The following TSHZ2 variants were observed in gnomAD, a reference collection of about 807,000 sequenced individuals.
The protein encoded by TSHZ2 is teashirt zinc finger homeobox 2.
In TSHZ2, 21 loss-of-function variants were observed where a neutral mutation model predicts 74.4. The observed-to-expected ratio is 0.28, with a 90% confidence interval of 0.20 to 0.41. TSHZ2 has a LOEUF of 0.41. TSHZ2 is among the 10% of genes least tolerant of loss of function. The probability of loss-of-function intolerance (pLI) is 1.00; values close to 1 mark genes in which losing one functional copy is unlikely to be tolerated. For synonymous variants in TSHZ2, 540 were observed against 515.3 expected (o/e 1.05, Z -0.65); for missense variants, 1,244 against 1,293.5 (o/e 0.96, Z 0.59).
At chr20:53,151,045 C>A (rs1240815866) in intron 1 of TSHZ2, among the ~76,000 whole-genome samples, 1 of 152,208 alleles carries the variant, frequency 6.6e-6, no homozygotes, top group Non-Finnish European at 1.5e-5. Context: ...CCATTCTCAA[C>A]ACATTGTTAG....
chr20:53,087,957 A>G, intron 1 of TSHZ2, among the ~76,000 whole-genome samples: 1 of 152,192 alleles, frequency 6.6e-6, no homozygotes, highest in East Asian at 1.9e-4. Context: ...ACCTTTTCCC[A>G]AGCAGTTCTC....
At chr20:53,361,825 T>A (rs943143399) in intron 2 of TSHZ2, among the ~76,000 whole-genome samples, 10 of 152,218 alleles carry the variant, frequency 6.6e-5, no homozygotes, top group Admixed American at 1.3e-4. Context: ...GGTGAAACAT[T>A]GGTTTCTAAC....
intron 1 of TSHZ2, among the ~76,000 whole-genome samples, chr20:52,994,422 A>C (rs905583973): frequency 1.3e-5 from 2 of 150,662 alleles, no homozygotes; most frequent in Non-Finnish European, 3.0e-5. Flanking sequence ...GAGTAGATGG[A>C]TGGATGGATG....
intron 1 of TSHZ2, among the ~76,000 whole-genome samples, chr20:53,133,554 C>T (rs752734041): frequency 1.7e-4 from 26 of 152,248 alleles, no homozygotes; most frequent in Admixed American, 1.2e-3. Context: ...GCAGGCAGCT[C>T]GTCATATTCT....
At chr20:53,016,005 T>C (rs775265320) in intron 1 of TSHZ2, among the ~76,000 whole-genome samples, 2 of 152,210 alleles carry the variant, frequency 1.3e-5, no homozygotes, top group Non-Finnish European at 2.9e-5. Context: ...CCTCTGACGT[T>C]AAAGGGCATC....
At chr20:53,350,302 T>C (rs138713053) in intron 2 of TSHZ2, among the ~76,000 whole-genome samples, 102 of 152,366 alleles carry the variant, frequency 6.7e-4, no homozygotes, top group African/African-American at 2.3e-3. Flanking sequence ...AATTCCTTTC[T>C]ATCTCTCAGT....
intron 2 of TSHZ2, among the ~76,000 whole-genome samples, chr20:53,268,025 G>A (rs1408078451): frequency 6.6e-6 from 1 of 152,166 alleles, no homozygotes; most frequent in Admixed American, 6.5e-5. Context: ...GTGAAGCAAA[G>A]CAAAGTCCAT....
At chr20:53,402,862 C>T (rs1030613347) in intron 2 of TSHZ2, among the ~76,000 whole-genome samples, 2 of 152,174 alleles carry the variant, frequency 1.3e-5, no homozygotes, top group Admixed American at 6.5e-5. Context: ...CACATCAAAC[C>T]GAACTTTGAT....
At chr20:53,090,163 C>T (rs2123258217) in intron 1 of TSHZ2, among the ~76,000 whole-genome samples, 1 of 152,258 alleles carries the variant, frequency 6.6e-6, no homozygotes, top group Admixed American at 6.5e-5. Flanking sequence ...AAGATGAAGG[C>T]CAGAGGACTC....
At chr20:53,084,374 A>G (rs985995026) in intron 1 of TSHZ2, among the ~76,000 whole-genome samples, 1 of 152,198 alleles carries the variant, frequency 6.6e-6, no homozygotes. Context: ...TTTTCCACTA[A>G]GATTTTTCAC....
At chr20:53,332,646 G>A (rs932066498) in intron 2 of TSHZ2, among the ~76,000 whole-genome samples, 1 of 152,164 alleles carries the variant, frequency 6.6e-6, no homozygotes, top group Non-Finnish European at 1.5e-5. Flanking sequence ...GGCGAAACTG[G>A]AGATGTCTAA....
intron 2 of TSHZ2, among the ~76,000 whole-genome samples, chr20:53,349,936 A>G (rs766498317): frequency 1.3e-5 from 2 of 152,192 alleles, no homozygotes; most frequent in Non-Finnish European, 2.9e-5. Context: ...TGGAAGTCCC[A>G]GGGGATTGTT....
At chr20:53,362,023 G>T (rs973451080) in intron 2 of TSHZ2, among the ~76,000 whole-genome samples, 3 of 151,044 alleles carry the variant, frequency 2.0e-5, no homozygotes, top group African/African-American at 7.3e-5. Context: ...AGATTCAAGC[G>T]ATTCCTCTGC....
At chr20:53,124,164 A>T (rs1986885391) in intron 1 of TSHZ2, among the ~76,000 whole-genome samples, 1 of 152,184 alleles carries the variant, frequency 6.6e-6, no homozygotes, top group Non-Finnish European at 1.5e-5. Flanking sequence ...CTTTCCTCCT[A>T]AAAAATGCAT....
At chr20:53,103,320 G>T (rs1447395327) in intron 1 of TSHZ2, among the ~76,000 whole-genome samples, 1 of 152,134 alleles carries the variant, frequency 6.6e-6, no homozygotes, top group East Asian at 1.9e-4. Flanking sequence ...CAAATGCTCA[G>T]CAGACAGCAA....
intron 2 of TSHZ2, among the ~76,000 whole-genome samples, chr20:53,433,509 C>A (rs1368728730): frequency 1.3e-5 from 2 of 151,752 alleles, no homozygotes; most frequent in Non-Finnish European, 2.9e-5. Flanking sequence ...CCACTGCACT[C>A]CAGCTTGGGC....
chr20:53,015,202 C>A (rs1375735059), intron 1 of TSHZ2, among the ~76,000 whole-genome samples: 1 of 152,188 alleles, frequency 6.6e-6, no homozygotes, highest in Non-Finnish European at 1.5e-5. Context: ...CTTTGCTGAA[C>A]TGATCTCTTC....
At chr20:53,425,293 A>C (rs1983616315) in intron 2 of TSHZ2, among the ~76,000 whole-genome samples, 1 of 152,192 alleles carries the variant, frequency 6.6e-6, no homozygotes, top group South Asian at 2.1e-4. Context: ...CCTCATTATC[A>C]TTCCAAAATG....
rs36230826 is a variant in TSHZ2, at chr20:52,977,421, T to TACAC, written c.40+4133_40+4136dup. Among the ~76,000 whole-genome samples the TACAC allele has an allele frequency of 1.6e-3, 226 of 141,476 alleles. 2 individuals carry two copies. The highest frequency in any genetic ancestry group is 4.2e-3 in the African/African-American group (159 of 38,122). The allele number at this position is 141,476 out of a possible 152,430, so 92.8% of individuals were successfully genotyped here. On this transcript the variant is annotated intron_variant, in intron 1 of 2. Transcript: ENST00000371497. ...TGTTTTTAACAAATGAATGGAAAAA[T>TACAC]ACACACACACACACACACACACACA...
Sources: allele counts gnomAD v4.1 joint callset (sites outside exome capture counted in the v4.1 genomes callset), GRCh38; gene constraint gnomAD v4.1.1; transcripts MANE v1.5; gene names NCBI Gene and HGNC (gene_info 2026-07-23, HGNC 2026-07-21).